Variants in PATL2 observed in about 807,000 individuals in gnomAD.
PATL2 encodes the protein PAT1 homolog 2.
In PATL2, 73 loss-of-function variants were observed where a neutral mutation model predicts 77.0. That is an observed-to-expected ratio of 0.95 (90% CI 0.78 to 1.15). The LOEUF (loss-of-function observed/expected upper bound fraction) is 1.15. Ranked by LOEUF, PATL2 falls within the 50% of genes most tolerant of loss-of-function variation. The pLI is 0.00. For missense variants in PATL2, 618 were observed against 655.4 expected (o/e 0.94, Z 0.62); for synonymous variants, 265 against 257.1 (o/e 1.03, Z -0.29).
chr15:44,698,931 G>T (rs150781002), intron 3 of PATL2, among the ~76,000 whole-genome samples: 82 of 152,206 alleles, frequency 5.4e-4, no homozygotes, highest in African/African-American at 1.8e-3. Flanking sequence ...TTGGATAAAA[G>T]CCATTTTAAT....
Position 44,670,191 on chromosome 15 carries a change from T to TTG in PATL2, c.658-106_658-105dup, listed in dbSNP as rs1027332644. On this transcript the variant is annotated intron_variant, in intron 9 of 17. Transcript: ENST00000682850. ...GTGCAGCCTCTTAAGTTTAGTTTTTTTGTGTGTGTTATAAGTTTTGTTGTT... is the reference window on the plus strand; with the variant it reads ...GTGCAGCCTCTTAAGTTTAGTTTTTTTGTGTGTGTGTTATAAGTTTTGTTGTT... 44 of 1,434,122 alleles carry TTG rather than the reference T, an allele frequency of 3.1e-5. No individual in the cohort carries two copies. In the African/African-American group the frequency reaches 5.3e-4, roughly 17 times the overall value. The allele number at this position is 1,434,122 out of a possible 1,614,324, so 88.8% of individuals were successfully genotyped here. A position where few individuals can be genotyped will look rare whatever the true frequency, so the allele number is the denominator to read the frequency against.
chr15:44,688,245 CAAA>C (rs201815058), intron 3 of PATL2, among the ~76,000 whole-genome samples: 1 of 55,234 alleles, frequency 1.8e-5, no homozygotes, highest in Admixed American at 1.9e-4. Flanking sequence ...GACTCTGTCT[CAAA>C]AAAAAAAAAA....
Position 44,678,569 on chromosome 15 carries a change from A to T in PATL2, c.-75-2004T>A, listed in dbSNP as rs187235117. On this transcript the variant is annotated intron_variant, in intron 3 of 17. Transcript: ENST00000682850. ...AGCCTATGTTAGGCTTGGGGTAAAC[A>T]GTGAATAAAGCAGATGCTTCCCACA... Among the ~76,000 whole-genome samples the T allele has an allele frequency of 1.8e-4, 27 of 152,324 alleles. 1 individual carries two copies. In the East Asian group the frequency reaches 4.8e-3, roughly 27 times the overall value.
chr15:44,669,984 G>A lies in PATL2; in HGVS notation c.761C>T (p.Ala254Val). Residue 254 changes from alanine to valine, a missense_variant, in exon 10 of 18, where the codon GCA (alanine) becomes GTA (valine). Transcript: ENST00000682850. Reference sequence around the variant, plus strand: ...GACCCTACCGGACTCATAAGCCTCTGCCTTCGGAATGTAAGGCGTTACCAG... The same window carrying A: ...GACCCTACCGGACTCATAAGCCTCTACCTTCGGAATGTAAGGCGTTACCAG... ...LKLVTPYIPK[A>V]EAYESVVRIE... The A allele has an allele frequency of 6.5e-7, 1 of 1,548,844 alleles. No individual in the cohort carries two copies. The highest frequency in any genetic ancestry group is 1.2e-5 in the South Asian group (1 of 83,604).
At chr15:44,672,917 G>A (rs2085762066) in intron 7 of PATL2, among the ~76,000 whole-genome samples, 3 of 151,968 alleles carry the variant, frequency 2.0e-5, no homozygotes, top group African/African-American at 4.8e-5. Flanking sequence ...TCGCCACCAC[G>A]CCTAGCTAAT....
At chr15:44,709,636 C>T (rs2086810855) in intron 3 of PATL2, among the ~76,000 whole-genome samples, 1 of 152,184 alleles carries the variant, frequency 6.6e-6, no homozygotes, top group African/African-American at 2.4e-5. Context: ...ATAATTTTCC[C>T]CCTCACTATT....
chr15:44,710,604 C>G (rs572557077), intron 2 of PATL2, among the ~76,000 whole-genome samples: 24 of 152,278 alleles, frequency 1.6e-4, no homozygotes, highest in Non-Finnish European at 3.2e-4. Flanking sequence ...TTTGTTTCCC[C>G]TGTCCATAAA....
At chr15:44,674,414 G>T in intron 5 of PATL2, 184 bp from the exon 6 acceptor site, 1 of 590,652 alleles carries the variant, frequency 1.7e-6, no homozygotes, top group Non-Finnish European at 3.0e-6. Context: ...TCCCTCTCCT[G>T]GGAGGAATAA....
At chr15:44,708,475 C>G (rs2086785581) in intron 3 of PATL2, among the ~76,000 whole-genome samples, 1 of 152,184 alleles carries the variant, frequency 6.6e-6, no homozygotes, top group Non-Finnish European at 1.5e-5. Flanking sequence ...TAGATGATCT[C>G]CTTTCCCTCT....
chr15:44,667,251 G>T, intron 15 of PATL2, 48 bp from the exon 16 acceptor site: 1 of 1,347,044 alleles, frequency 7.4e-7, no homozygotes, highest in Non-Finnish European at 1.0e-6. Flanking sequence ...TTCACACTCG[G>T]CATTTGGTGC....
intron 3 of PATL2, among the ~76,000 whole-genome samples, chr15:44,679,388 C>T (rs1000400696): frequency 3.3e-5 from 5 of 151,972 alleles, no homozygotes; most frequent in East Asian, 1.9e-4. Flanking sequence ...GTGCCATGCC[C>T]GGCTAATTTT....
intron 3 of PATL2, among the ~76,000 whole-genome samples, chr15:44,708,683 C>G (rs531754567): frequency 3.9e-4 from 60 of 152,272 alleles, no homozygotes; most frequent in African/African-American, 1.4e-3. Flanking sequence ...GATATATACT[C>G]CAATGGGTTT....
intron 2 of PATL2, among the ~76,000 whole-genome samples, 84 bp from the exon 3 acceptor site, chr15:44,710,298 G>T (rs2086828480): frequency 6.6e-6 from 1 of 152,192 alleles, no homozygotes; most frequent in Non-Finnish European, 1.5e-5. Context: ...GAAAACCATG[G>T]TGACTTCCAA....
chr15:44,702,141 T>C (rs780149769), intron 3 of PATL2, among the ~76,000 whole-genome samples: 1 of 152,158 alleles, frequency 6.6e-6, no homozygotes, highest in Non-Finnish European at 1.5e-5. Context: ...AGTGAAGACA[T>C]AGAGTCCTGG....
intron 3 of PATL2, among the ~76,000 whole-genome samples, chr15:44,699,090 A>G (rs1566868751): frequency 6.6e-6 from 1 of 152,132 alleles, no homozygotes; most frequent in Non-Finnish European, 1.5e-5. Flanking sequence ...TTAAAATTGG[A>G]TTAGTAGATT....
At chr15:44,667,416 ACT>A (rs2085432749) in intron 15 of PATL2, 1 of 530,488 alleles carries the variant, frequency 1.9e-6, no homozygotes. Flanking sequence ...TCCAAAAGAC[ACT>A]CTTGGAGAGC....
At chr15:44,683,117 T>C (rs2086171052) in intron 3 of PATL2, among the ~76,000 whole-genome samples, 1 of 152,098 alleles carries the variant, frequency 6.6e-6, no homozygotes, top group African/African-American at 2.4e-5. Context: ...TTCCCTCAGG[T>C]GCCTATGCCA....
At chr15:44,669,899 C>A in intron 10 of PATL2, 25 bp from the exon 11 acceptor site, 1 of 1,551,190 alleles carries the variant, frequency 6.4e-7, no homozygotes, top group Non-Finnish European at 8.7e-7. Flanking sequence ...AGGCACATTT[C>A]CTTCCCCCTC....
In PATL2 at chr15:44,669,147, G is replaced by A; in HGVS notation, c.1065-8C>T. On this transcript the variant is annotated splice_region_variant and splice_polypyrimidine_tract_variant and intron_variant, in intron 13 of 17. Transcript: ENST00000682850. Reference sequence around the variant, plus strand: ...AAGCCATCTGCTGCCTCTCTGCAAGGGAGAGAGGAGAACATTTTCAGAGCT... The same window carrying A: ...AAGCCATCTGCTGCCTCTCTGCAAGAGAGAGAGGAGAACATTTTCAGAGCT... 6.5e-7 allele frequency: 1 copy of A among 1,529,528 alleles called. No homozygotes were observed. The highest frequency in any genetic ancestry group is 8.8e-7 in the Non-Finnish European group (1 of 1,132,880). 94.7% of individuals were successfully genotyped at this position (1,529,528 alleles called of 1,614,324 possible).
Sources: gnomAD v4.1 joint callset for allele counts (sites outside exome capture counted in the v4.1 genomes callset) on GRCh38, gnomAD v4.1.1 for gene constraint, MANE v1.5 for transcripts, NCBI Gene and HGNC (gene_info 2026-07-23, HGNC 2026-07-21) for gene names.